The following MBLAC2 variants were observed in gnomAD, a reference collection of about 807,000 sequenced individuals.
The protein encoded by MBLAC2 is acyl-coenzyme A thioesterase MBLAC2.
A neutral mutation model predicts 23.3 loss-of-function variants in MBLAC2; 24 were observed. That is an observed-to-expected ratio of 1.03 (90% CI 0.75 to 1.45). The LOEUF (loss-of-function observed/expected upper bound fraction) is 1.45. Ranked by LOEUF, MBLAC2 falls within the 40% of genes most tolerant of loss-of-function variation. MBLAC2 has a pLI of 0.00. For missense variants in MBLAC2, 358 were observed against 370.0 expected, an observed-to-expected ratio of 0.97 and a Z score of 0.27; for synonymous variants, 162 against 150.9, an observed-to-expected ratio of 1.07 and a Z score of -0.54.
chr5:90,466,127 TA>T (rs548911788), intron 1 of MBLAC2, among the ~76,000 whole-genome samples: 169 of 152,264 alleles, frequency 1.1e-3, no homozygotes, highest in African/African-American at 3.9e-3. Flanking sequence ...AAGTGTACAA[TA>T]AAGCTACAGT....
rs73771263 is a variant in MBLAC2, at chr5:90,464,913, T to C, written c.455-3361A>G. Among the ~76,000 whole-genome samples, 949 of 152,316 alleles carry C rather than the reference T, an allele frequency of 6.2e-3. 14 individuals are homozygous for C. The highest frequency in any genetic ancestry group is 0.021 in the African/African-American group (890 of 41,570). ...TTGATAAAAGTCACTTATGAACATC[T>C]ATAGGTAATACCTCTTTGAATAGAA... On this transcript the variant is annotated intron_variant, in intron 1 of 1. Transcript: ENST00000316610.
At chr5:90,468,135 C>T (rs1181492084) in intron 1 of MBLAC2, among the ~76,000 whole-genome samples, 1 of 152,152 alleles carries the variant, frequency 6.6e-6, no homozygotes, top group Non-Finnish European at 1.5e-5. Context: ...TCTTTCCTTT[C>T]ATCTTGACTT....
intron 1 of MBLAC2, chr5:90,473,346 G>A: frequency 3.2e-6 from 1 of 314,254 alleles, no homozygotes; most frequent in Non-Finnish European, 5.9e-6. Context: ...ACTCTCTAAG[G>A]CTACAGGTGG....
intron 1 of MBLAC2, among the ~76,000 whole-genome samples, chr5:90,462,500 T>C (rs1488518621): frequency 1.3e-5 from 2 of 152,060 alleles, no homozygotes; most frequent in Non-Finnish European, 1.5e-5. Context: ...ATATGCAGCC[T>C]ACAAGAAAGA....
Position 90,474,046 on chromosome 5 carries a change from G to C in MBLAC2, c.247C>G (p.His83Asp). The change falls in exon 1 of 2, where the codon CAC becomes GAC. Residue 83 changes from histidine (H) to aspartate (D), a missense_variant. By Grantham distance (81) the His-to-Asp change is moderately conservative. Transcript: ENST00000316610. Reference protein sequence around the residue: ...ARRPLLAVATHVHFDHSGGLY... With the variant: ...ARRPLLAVATDVHFDHSGGLY... ...CCGCCGGAGTGGTCGAAGTGCACGT[G>C]GGTGGCCACGGCAAGCAGTGGCCGG... The C allele has an allele frequency of 1.3e-6, 2 of 1,588,546 alleles. No individual in the cohort carries two copies. The highest frequency in any genetic ancestry group is 2.3e-5 in the South Asian group (2 of 87,524).
Position 90,474,142 on chromosome 5 carries a change from G to A in MBLAC2, c.151C>T (p.Arg51Cys). Reference sequence around the variant, plus strand: ...GAGTACAGGTACTCCGGGAGGCTGCGCAGCCCCAGGCCTGTATCGATCACC... The same window carrying A: ...GAGTACAGGTACTCCGGGAGGCTGCACAGCCCCAGGCCTGTATCGATCACC... Reference protein sequence around the residue: ...DVVIDTGLGLRSLPEYLYSSG... With the variant: ...DVVIDTGLGLCSLPEYLYSSG... Residue 51 changes from arginine (R) to cysteine (C), a missense_variant, in exon 1 of 2, where the codon CGC (arginine) becomes TGC (cysteine). Coordinates refer to ENST00000316610, the MANE Select transcript of MBLAC2 (RefSeq NM_203406.2). The A allele has an allele frequency of 6.3e-7, 1 of 1,590,942 alleles. No homozygotes were observed. Among genetic ancestry groups the A allele is most frequent in the Non-Finnish European group, 8.6e-7 (1 of 1,168,526 alleles).
chr5:90,470,553 T>C (rs1302942354), intron 1 of MBLAC2, among the ~76,000 whole-genome samples: 1 of 152,136 alleles, frequency 6.6e-6, no homozygotes, highest in East Asian at 1.9e-4. Context: ...GGCTTCACAG[T>C]AGAGAAAGAG....
chr5:90,466,550 T>C (rs1183381218), intron 1 of MBLAC2, among the ~76,000 whole-genome samples: 1 of 152,040 alleles, frequency 6.6e-6, no homozygotes, highest in African/African-American at 2.4e-5. Context: ...AAAGACACCA[T>C]TAAGAATGAA....
At chr5:90,472,471 C>CTG (rs1554037319) in intron 1 of MBLAC2, 3 of 151,292 alleles carry the variant, frequency 2.0e-5, no homozygotes, top group African/African-American at 7.3e-5. Context: ...TTAATGAAGA[C>CTG]TTGTTCGGTG....
chr5:90,461,524 C>T lies in MBLAC2; in HGVS notation c.483G>A (p.Gln161=), dbSNP rs1485468127. The change falls in exon 2 of 2, where the codon CAG becomes CAA. Residue 161 remains glutamine, a synonymous_variant. Transcript: ENST00000316610. ...DGDVINLGDR[Q]LTVMHMPGHS... is the part of the protein sequence containing the mutation. ...GACCTGGCATGTGCATAACAGTGAG[C>T]TGTCTGTCACCAAGGTTGATCACAT... is the stretch of plus-strand genomic sequence containing the variant. 6.2e-7 allele frequency: 1 copy of T among 1,612,452 alleles called. No homozygotes were observed. Among genetic ancestry groups the T allele is most frequent in the South Asian group, 1.1e-5 (1 of 90,744 alleles).
At chr5:90,468,217 T>C (rs894675801) in intron 1 of MBLAC2, among the ~76,000 whole-genome samples, 5 of 152,188 alleles carry the variant, frequency 3.3e-5, no homozygotes, top group Admixed American at 6.5e-5. Context: ...TCTTTGAGCT[T>C]CTTGTATTTG....
chr5:90,465,000 G>T (rs558669393), intron 1 of MBLAC2, among the ~76,000 whole-genome samples: 1 of 152,220 alleles, frequency 6.6e-6, no homozygotes, highest in African/African-American at 2.4e-5. Context: ...ACATTATACT[G>T]AAGATCCTAG....
At chr5:90,469,082 C>T (rs112118483) in intron 1 of MBLAC2, among the ~76,000 whole-genome samples, 26 of 152,290 alleles carry the variant, frequency 1.7e-4, no homozygotes, top group African/African-American at 5.8e-4. Flanking sequence ...TAACCAAGAT[C>T]AGCCTCCCGA....
chr5:90,467,196 T>C (rs984355120), intron 1 of MBLAC2, among the ~76,000 whole-genome samples: 2 of 152,178 alleles, frequency 1.3e-5, no homozygotes, highest in Non-Finnish European at 2.9e-5. Context: ...ATTAAGTCCA[T>C]TTGTTCTAGG....
Position 90,474,229 on chromosome 5 carries a change from G to A in MBLAC2, c.64C>T (p.Arg22Cys), listed in dbSNP as rs775895857. ...LGDGIFWIQE[R>C]FYESGNRANI... ...GCACGGTTGCCCGACTCGTAGAAACGTTCTTGAATCCAGAAGATACCATCG... is the reference window on the plus strand; with the variant it reads ...GCACGGTTGCCCGACTCGTAGAAACATTCTTGAATCCAGAAGATACCATCG... The change falls in exon 1 of 2, where the codon CGT becomes TGT. Residue 22 changes from arginine (R) to cysteine (C), a missense_variant. Arg to Cys is a radical substitution (Grantham distance 180). Transcript: ENST00000316610. 2 of 1,613,302 alleles carry A rather than the reference G, an allele frequency of 1.2e-6. No homozygotes were observed. Among genetic ancestry groups the A allele is most frequent in the African/African-American group, 2.7e-5 (2 of 74,918 alleles).
intron 1 of MBLAC2, among the ~76,000 whole-genome samples, chr5:90,465,026 A>AAG (rs1750426128): frequency 6.6e-6 from 1 of 152,224 alleles, no homozygotes; most frequent in Admixed American, 6.5e-5. Context: ...GTAATAAGCC[A>AAG]AGAAAAAGAG....
rs1165534981 is a variant in MBLAC2 at position 90,460,112 on chromosome 5, AAAG to A, written c.*1052_*1054del. The A allele has an allele frequency of 6.6e-6, 1 of 152,628 alleles. No individual in the cohort carries two copies. Among genetic ancestry groups the A allele is most frequent in the African/African-American group, 2.4e-5 (1 of 41,466 alleles). The allele number at this position is 152,628 out of a possible 1,614,324, so 9.5% of individuals were successfully genotyped here. ...GAACATAGACTTCTCTATTCAAGAC[AAAG>A]AATACTGAACAGGAATAGGTGTTGT... On this transcript the variant is annotated 3_prime_UTR_variant, in exon 2 of 2. Transcript: ENST00000316610.
chr5:90,467,321 A>G (rs936828676), intron 1 of MBLAC2, among the ~76,000 whole-genome samples: 3 of 151,990 alleles, frequency 2.0e-5, no homozygotes, highest in African/African-American at 7.3e-5. Context: ...CATCTATCTC[A>G]TTTCTTATGT....
Position 90,473,914 on chromosome 5 carries a change from G to T in MBLAC2, c.379C>A (p.Arg127=). The part of the protein sequence containing the change: ...VTWLSDSEVV[R]TPSPGWRARQ... Reference sequence around the variant, plus strand: ...GCCCTCCAGCCGGGGCTGGGCGTCCGCACCACCTCGCTATCGGAAAGCCAG... The same window carrying T: ...GCCCTCCAGCCGGGGCTGGGCGTCCTCACCACCTCGCTATCGGAAAGCCAG... Residue 127 remains arginine (R), a synonymous_variant, in exon 1 of 2, where the codon CGG becomes AGG. Coordinates refer to ENST00000316610, the MANE Select transcript of MBLAC2 (RefSeq NM_203406.2). 6.2e-7 allele frequency: 1 copy of T among 1,604,618 alleles called. No individual in the cohort carries two copies. Among genetic ancestry groups the T allele is most frequent in the Admixed American group, 1.7e-5 (1 of 58,916 alleles).
Sources: gnomAD v4.1 joint callset for allele counts (sites outside exome capture counted in the v4.1 genomes callset) on GRCh38, gnomAD v4.1.1 for gene constraint, MANE v1.5 for transcripts, NCBI Gene and HGNC (gene_info 2026-07-23, HGNC 2026-07-21) for gene names.